Variants in ELP4 observed in about 807,000 individuals in gnomAD.
ELP4 encodes elongator acetyltransferase complex subunit 4.
Under a neutral mutation model 48.9 loss-of-function variants are expected in ELP4, and 51 were observed. That is an observed-to-expected ratio of 1.04 (90% CI 0.83 to 1.32). The LOEUF is 1.32. Among genes scored for constraint, ELP4 ranks in the 40% most tolerant of loss-of-function variants. The pLI, the probability that ELP4 is intolerant of heterozygous loss-of-function variation, is 0.00. For missense variants in ELP4, 519 were observed against 514.6 expected, an observed-to-expected ratio of 1.01 and a Z score of -0.08; for synonymous variants, 210 against 189.2, an observed-to-expected ratio of 1.11 and a Z score of -0.90.
At chr11:31,645,703 T>C (rs1945184342) in intron 7 of ELP4, 1 of 151,764 alleles carries the variant, frequency 6.6e-6, no homozygotes, top group Non-Finnish European at 1.5e-5. Context: ...CCTTTATAAA[T>C]GCTTGTTCAT....
At chr11:31,604,961 T>C (rs1957847262) in intron 5 of ELP4, among the ~76,000 whole-genome samples, 1 of 152,022 alleles carries the variant, frequency 6.6e-6, no homozygotes, top group South Asian at 2.1e-4. Flanking sequence ...ATTAACCCTA[T>C]ACAGGGTTAT....
At chr11:31,628,614 G>A (rs1412216042) in intron 6 of ELP4, among the ~76,000 whole-genome samples, 1 of 151,876 alleles carries the variant, frequency 6.6e-6, no homozygotes, top group Admixed American at 6.6e-5. Context: ...CCAAACTGGA[G>A]CTGGTTTGGC....
At chr11:31,559,677 G>T (rs1400934902) in intron 3 of ELP4, among the ~76,000 whole-genome samples, 1 of 152,084 alleles carries the variant, frequency 6.6e-6, no homozygotes, top group Non-Finnish European at 1.5e-5. Flanking sequence ...GCTGAGGCGG[G>T]CAGATCACCT....
Position 31,785,899 on chromosome 11 carries a change from A to C in ELP4, c.*2375A>C, listed in dbSNP as rs2134307400. ...TGACTCAAAGATATAAATACTTAAG[A>C]ACAATGCCAAACGTAATATCTGAAA... On this transcript the variant is annotated 3_prime_UTR_variant, in exon 10 of 10. Coordinates refer to ENST00000640961, the MANE Select transcript of ELP4 (RefSeq NM_019040.5). 1 of 195,516 alleles carries C rather than the reference A, an allele frequency of 5.1e-6. No homozygotes were observed. The highest frequency in any genetic ancestry group is 8.1e-5 in the East Asian group (1 of 12,418). 12.1% of individuals were successfully genotyped at this position (195,516 alleles called of 1,614,324 possible).
intron 9 of ELP4, among the ~76,000 whole-genome samples, chr11:31,681,236 AAC>A (rs1185073443): frequency 1.3e-5 from 2 of 152,218 alleles, no homozygotes; most frequent in Non-Finnish European, 2.9e-5. Context: ...AAATTCATCT[AAC>A]AGTCATGTAT....
At chr11:31,609,867 C>G (rs529644434) in intron 5 of ELP4, among the ~76,000 whole-genome samples, 64 of 152,072 alleles carry the variant, frequency 4.2e-4, no homozygotes, top group Admixed American at 1.5e-3. Context: ...GAGACCCTGT[C>G]TCTACAAAAA....
At chr11:31,641,575 C>T (rs1237375576) in intron 7 of ELP4, among the ~76,000 whole-genome samples, 1 of 151,742 alleles carries the variant, frequency 6.6e-6, no homozygotes, top group East Asian at 1.9e-4. Context: ...GAAAGGGGGG[C>T]ACCTTACATA....
chr11:31,603,813 T>C lies in ELP4; in HGVS notation c.559T>C (p.Ser187Pro), dbSNP rs762050597. 9 of 1,611,362 alleles carry C rather than the reference T, an allele frequency of 5.6e-6. No individual in the cohort carries two copies. Among genetic ancestry groups the C allele is most frequent in the Non-Finnish European group, 6.8e-6 (8 of 1,178,184 alleles). Residue 187 changes from serine (S) to proline (P), a missense_variant, in exon 5 of 10, where the codon TCA becomes CCA. By Grantham distance (74) the Ser-to-Pro change is moderately conservative. Coordinates refer to ENST00000640961, the MANE Select transcript of ELP4 (RefSeq NM_019040.5). Reference protein sequence around the residue: ...SSRFGHYYDASKRMPQELIEA... With the variant: ...SSRFGHYYDAPKRMPQELIEA... ...AAGATTTGGTCACTATTATGATGCA[T>C]CAAAAAGAATGCCACAAGAACTAAT...
intron 9 of ELP4, among the ~76,000 whole-genome samples, chr11:31,704,783 G>A (rs879921180): frequency 1.3e-5 from 2 of 152,062 alleles, no homozygotes; most frequent in Non-Finnish European, 2.9e-5. Context: ...GGCCGAGGTG[G>A]GTGGATCACC....
chr11:31,608,112 G>A (rs988443852), intron 5 of ELP4, among the ~76,000 whole-genome samples: 5 of 151,962 alleles, frequency 3.3e-5, no homozygotes, highest in Admixed American at 1.3e-4. Flanking sequence ...GATGGAGAAC[G>A]GAGGGCCCCT....
chr11:31,744,084 C>A (rs1164665663), intron 9 of ELP4, among the ~76,000 whole-genome samples: 1 of 152,140 alleles, frequency 6.6e-6, no homozygotes, highest in East Asian at 1.9e-4. Flanking sequence ...CACAGAAATA[C>A]AAACTACCAT....
intron 9 of ELP4, among the ~76,000 whole-genome samples, chr11:31,750,586 T>C (rs935270441): frequency 7.2e-5 from 11 of 152,214 alleles, no homozygotes; most frequent in South Asian, 4.1e-4. Context: ...TTGCTCAGTT[T>C]ACTTCCATAG....
chr11:31,715,917 A>C (rs1481214780), intron 9 of ELP4, among the ~76,000 whole-genome samples: 1 of 152,214 alleles, frequency 6.6e-6, no homozygotes, highest in African/African-American at 2.4e-5. Context: ...TAATGATTAC[A>C]CAGTTAAGGG....
At chr11:31,589,971 A>G (rs1957540662) in intron 3 of ELP4, among the ~76,000 whole-genome samples, 2 of 152,224 alleles carry the variant, frequency 1.3e-5, no homozygotes, top group South Asian at 2.1e-4. Context: ...GCAATATAGC[A>G]TGGTGGTTAA....
At position 31,647,848 on chromosome 11, in the gene ELP4, T is replaced by C; in HGVS notation, c.1035T>C (p.His345=). Residue 345 remains histidine, a splice_region_variant and synonymous_variant, in exon 8 of 10, where the codon CAT becomes CAC. Transcript: ENST00000640961. ...CTAACCCATTGTATAAGGATTATCATGGTAAGTACAACCTTCATAATGAGA... is the reference window on the plus strand; with the variant it reads ...CTAACCCATTGTATAAGGATTATCACGGTAAGTACAACCTTCATAATGAGA... The part of the protein sequence containing the change: ...RETNPLYKDY[H]GLIHIRQIPR... 1 of 1,557,642 alleles carries C rather than the reference T, an allele frequency of 6.4e-7. No individual in the cohort carries two copies. The highest frequency in any genetic ancestry group is 8.9e-7 in the Non-Finnish European group (1 of 1,129,766).
intron 9 of ELP4, among the ~76,000 whole-genome samples, chr11:31,744,721 G>A (rs1408168715): frequency 4.6e-5 from 7 of 152,076 alleles, no homozygotes; most frequent in African/African-American, 1.7e-4. Flanking sequence ...AATAAATTAG[G>A]TATTGATGGG....
At chr11:31,573,420 A>G (rs958038479) in intron 3 of ELP4, among the ~76,000 whole-genome samples, 1 of 152,210 alleles carries the variant, frequency 6.6e-6, no homozygotes, top group African/African-American at 2.4e-5. Context: ...ACAAAATACT[A>G]TAAACTAGGT....
At chr11:31,706,957 C>T (rs145483017) in intron 9 of ELP4, 1 of 398,184 alleles carries the variant, frequency 2.5e-6, no homozygotes, top group Admixed American at 4.4e-5. Context: ...TGTATGTATA[C>T]ACCACATTTT....
At chr11:31,694,952 C>T (rs1301054067) in intron 9 of ELP4, among the ~76,000 whole-genome samples, 1 of 152,086 alleles carries the variant, frequency 6.6e-6, no homozygotes, top group African/African-American at 2.4e-5. Flanking sequence ...CATGATTTGG[C>T]TCTCTGTCTG....
Sources: gnomAD v4.1 joint callset for allele counts (sites outside exome capture counted in the v4.1 genomes callset) on GRCh38, gnomAD v4.1.1 for gene constraint, MANE v1.5 for transcripts, NCBI Gene and HGNC (gene_info 2026-07-23, HGNC 2026-07-21) for gene names.